Variants in INSL6 observed in about 807,000 individuals in gnomAD.
The protein encoded by INSL6 is insulin like 6, also known as insulin-like peptide INSL6.
In INSL6, 16 loss-of-function variants were observed where a neutral mutation model predicts 9.4. That is an observed-to-expected ratio of 1.70 (90% confidence interval 1.15 to 2.59). INSL6 has a LOEUF of 2.59. Among genes scored for constraint, INSL6 ranks in the 30% most tolerant of loss-of-function variants. The pLI, the probability that INSL6 is intolerant of heterozygous loss-of-function variation, is 0.00. For missense variants in INSL6, 391 were observed against 257.3 expected, an observed-to-expected ratio of 1.52 and a Z score of -3.56; for synonymous variants, 154 against 96.9, an observed-to-expected ratio of 1.59 and a Z score of -3.46.
intron 2 of INSL6, among the ~76,000 whole-genome samples, chr9:5,137,775 A>C (rs1403398686): frequency 6.6e-6 from 1 of 152,224 alleles, no homozygotes; most frequent in Non-Finnish European, 1.5e-5. Flanking sequence ...GTACAGCAAA[A>C]GAAACTATCA....
At chr9:5,175,476 C>A (rs944567863) in intron 1 of INSL6, among the ~76,000 whole-genome samples, 2 of 152,080 alleles carry the variant, frequency 1.3e-5, no homozygotes, top group Non-Finnish European at 2.9e-5. Flanking sequence ...TTAATGACTC[C>A]TTGCATCACC....
intron 3 of INSL6, among the ~76,000 whole-genome samples, chr9:5,129,650 T>C (rs1213553927): frequency 6.6e-6 from 1 of 152,134 alleles, no homozygotes; most frequent in Non-Finnish European, 1.5e-5. Flanking sequence ...AATTAAAGTA[T>C]GAATATCAGA....
chr9:5,114,146 G>T, the INSL6 span: 1 of 398,286 alleles, frequency 2.5e-6, no homozygotes, highest in South Asian at 2.3e-5. Flanking sequence ...ACACCTTTGA[G>T]GACAGTGCCA....
chr9:5,146,495 G>C (rs1345848923), intron 2 of INSL6, among the ~76,000 whole-genome samples: 1 of 152,188 alleles, frequency 6.6e-6, no homozygotes. Context: ...TGGGGTGCTG[G>C]ATAGCACAGG....
At chr9:5,167,055 A>G (rs748468925) in intron 1 of INSL6, among the ~76,000 whole-genome samples, 9 of 152,070 alleles carry the variant, frequency 5.9e-5, no homozygotes, top group Non-Finnish European at 1.2e-4. Context: ...TTGAGTTACC[A>G]ATGTTCTCTC....
At chr9:5,118,793 T>C in the INSL6 span, among the ~76,000 whole-genome samples, 1 of 152,186 alleles carries the variant, frequency 6.6e-6, no homozygotes. Flanking sequence ...CCATTAAAAA[T>C]TATCTGTTAT....
chr9:5,089,823 T>C, the INSL6 span: 25 of 1,590,340 alleles, frequency 1.6e-5, no homozygotes, highest in Non-Finnish European at 2.0e-5. Context: ...CCCTACAGCA[T>C]GACAACATTG....
chr9:5,183,783 A>C (rs185387742), intron 1 of INSL6, among the ~76,000 whole-genome samples: 1 of 151,786 alleles, frequency 6.6e-6, no homozygotes, highest in Admixed American at 6.6e-5. Context: ...AGAAAAAAAA[A>C]AGAGAGAGAC....
chr9:5,044,453 A>G, the INSL6 span: 24 of 1,613,436 alleles, frequency 1.5e-5, no homozygotes, highest in African/African-American at 2.7e-5. Context: ...GCCTATCGGC[A>G]TGGAATATCT....
chr9:5,077,851 C>T, the INSL6 span, among the ~76,000 whole-genome samples: 1 of 152,148 alleles, frequency 6.6e-6, no homozygotes, highest in Non-Finnish European at 1.5e-5. Flanking sequence ...GAAAATTCAA[C>T]CAAAAATTAT....
the INSL6 span, among the ~76,000 whole-genome samples, chr9:5,012,687 G>T: frequency 6.6e-6 from 1 of 152,274 alleles, no homozygotes; most frequent in South Asian, 2.1e-4. Context: ...TTTTCTACCT[G>T]CTAAGAATAG....
At chr9:5,067,578 G>C in the INSL6 span, among the ~76,000 whole-genome samples, 1 of 151,730 alleles carries the variant, frequency 6.6e-6, no homozygotes, top group Non-Finnish European at 1.5e-5. Context: ...TGTAAAACTG[G>C]TAATCTATCC....
At chr9:5,048,353 G>T in the INSL6 span, among the ~76,000 whole-genome samples, 3 of 152,074 alleles carry the variant, frequency 2.0e-5, no homozygotes, top group Non-Finnish European at 4.4e-5. Context: ...ATGTTGGCCA[G>T]GCTGGTCTCG....
the INSL6 span, among the ~76,000 whole-genome samples, chr9:5,066,015 T>C: frequency 2.0e-5 from 3 of 152,308 alleles, no homozygotes; most frequent in South Asian, 4.1e-4. Flanking sequence ...TATTCATGTA[T>C]CCATAAATTC....
At chr9:5,027,680 A>C in the INSL6 span, among the ~76,000 whole-genome samples, 1 of 152,222 alleles carries the variant, frequency 6.6e-6, no homozygotes, top group East Asian at 1.9e-4. Context: ...AAACCCTGCC[A>C]CTGCTTTGAT....
Position 5,126,989 on chromosome 9 carries a change from T to A in INSL6, c.*11-2478A>T, listed in dbSNP as rs112889539. ...TGAGGCCACCAGTAAAAGACATTAATGAGAATTCCTTAGCAAGGATTTTGT... is the reference window on the plus strand; with the variant it reads ...TGAGGCCACCAGTAAAAGACATTAAAGAGAATTCCTTAGCAAGGATTTTGT... On this transcript the variant is annotated intron_variant, in intron 3 of 3. Coordinates refer to the INSL6 transcript ENST00000649639. The A allele has an allele frequency of 2.4e-3, 789 of 330,660 alleles. 5 individuals carry two copies. Among genetic ancestry groups the A allele is most frequent in the African/African-American group, 0.015 (726 of 47,274 alleles). 20.5% of individuals were successfully genotyped at this position (330,660 alleles called of 1,614,324 possible).
downstream of INSL6, among the ~76,000 whole-genome samples, chr9:5,123,386 G>A (rs979533696): frequency 9.2e-5 from 14 of 151,734 alleles, no homozygotes; most frequent in African/African-American, 3.1e-4. Context: ...TATAGCTCCC[G>A]CTTATAAGTG....
rs567117713 is a variant in INSL6 at position 5,126,633 on chromosome 9, A to C, written c.*11-2122T>G. 3 of 1,301,044 alleles carry C rather than the reference A, an allele frequency of 2.3e-6. No individual in the cohort carries two copies. The South Asian group carries it at 3.8e-5, about 16-fold the overall frequency. The allele number at this position is 1,301,044 out of a possible 1,614,324, so 80.6% of individuals were successfully genotyped here. Reference sequence around the variant, plus strand: ...GAAAATTAATGTCTTCCACCAATTAAAAGATGGCCCTTAGTGTTCATTTAA... The same window carrying C: ...GAAAATTAATGTCTTCCACCAATTACAAGATGGCCCTTAGTGTTCATTTAA... On this transcript the variant is annotated intron_variant, in intron 3 of 3. Transcript: ENST00000649639.
chr9:4,994,436 G>C, the INSL6 span, among the ~76,000 whole-genome samples: 2 of 152,202 alleles, frequency 1.3e-5, no homozygotes, highest in Non-Finnish European at 2.9e-5. Context: ...AGTGGGACTT[G>C]AGGATTTGCA....
Sources: gnomAD v4.1 joint callset for allele counts (sites outside exome capture counted in the v4.1 genomes callset) on GRCh38, gnomAD v4.1.1 for gene constraint, MANE v1.5 for transcripts, NCBI Gene and HGNC (gene_info 2026-07-23, HGNC 2026-07-21) for gene names.